Variants in ZNF569 observed in about 807,000 individuals in gnomAD.
ZNF569 encodes the protein DNA-binding protein.
A neutral mutation model predicts 56.3 loss-of-function variants in ZNF569; 38 were observed. The observed-to-expected ratio is 0.68, with a 90% CI of 0.52 to 0.88. ZNF569 has a LOEUF of 0.88. Among genes scored for constraint, ZNF569 ranks in the 40% least tolerant of loss-of-function variants. ZNF569 has a pLI of 0.00. For synonymous variants in ZNF569, 241 were observed against 262.9 expected, an observed-to-expected ratio of 0.92 and a Z score of 0.81; for missense variants, 666 against 809.2, an observed-to-expected ratio of 0.82 and a Z score of 2.15.
rs114338258 is a variant in ZNF569, at chr19:37,423,841, T to G, written c.238+2027A>C. ...TTCAAGCTATAATTAGCTACCATTT[T>G]TCACCTCAGTTTGGCAACGATTTTT... On this transcript the variant is annotated intron_variant, in intron 5 of 5. Transcript: ENST00000316950. 4.3e-3 allele frequency among the ~76,000 whole-genome samples: 656 copies of G among 152,340 alleles called. 6 individuals are homozygous for G. The highest frequency in any genetic ancestry group is 0.015 in the African/African-American group (630 of 41,580).
At chr19:37,460,954 A>G (rs2041748566) in intron 2 of ZNF569, among the ~76,000 whole-genome samples, 2 of 152,232 alleles carry the variant, frequency 1.3e-5, no homozygotes, top group Non-Finnish European at 1.5e-5. Context: ...GCAGTGATTT[A>G]AAACACATCA....
chr19:37,416,723 T>C (rs1425515913), intron 5 of ZNF569, among the ~76,000 whole-genome samples: 1 of 152,132 alleles, frequency 6.6e-6, no homozygotes, highest in African/African-American at 2.4e-5. Context: ...GCAGAAAGCA[T>C]GGATAGAAAG....
intron 5 of ZNF569, among the ~76,000 whole-genome samples, chr19:37,422,376 T>A (rs1041107002): frequency 1.3e-5 from 2 of 152,164 alleles, no homozygotes; most frequent in African/African-American, 4.8e-5. Context: ...AAGTCTGCCA[T>A]CTTACATGGA....
chr19:37,418,881 T>C (rs1407948168), intron 5 of ZNF569, among the ~76,000 whole-genome samples: 2 of 152,178 alleles, frequency 1.3e-5, no homozygotes, highest in Non-Finnish European at 2.9e-5. Flanking sequence ...TTTACGTACT[T>C]AATAAGGCTG....
intron 5 of ZNF569, among the ~76,000 whole-genome samples, chr19:37,415,683 A>G (rs2040917222): frequency 6.6e-6 from 1 of 150,782 alleles, no homozygotes. Flanking sequence ...ATCCTGGCTA[A>G]CACAGTGAAA....
intron 2 of ZNF569, among the ~76,000 whole-genome samples, chr19:37,456,990 A>C (rs948094311): frequency 6.7e-6 from 1 of 149,026 alleles, no homozygotes; most frequent in Non-Finnish European, 1.5e-5. Context: ...ACAAAAAACA[A>C]AAAACACAAA....
At chr19:37,418,876 G>A (rs1290290898) in intron 5 of ZNF569, among the ~76,000 whole-genome samples, 8 of 152,156 alleles carry the variant, frequency 5.3e-5, no homozygotes, top group East Asian at 3.9e-4. Context: ...AAAAGTTTAC[G>A]TACTTAATAA....
upstream of ZNF569, chr19:37,469,228 C>G: frequency 7.4e-7 from 1 of 1,353,378 alleles, no homozygotes; most frequent in Non-Finnish European, 9.5e-7. Flanking sequence ...CTGCGCGGAG[C>G]TGCACCGCTG....
rs2040848352 is a variant in ZNF569, at chr19:37,412,100, A to C, written c.*497T>G. On this transcript the variant is annotated 3_prime_UTR_variant, in exon 6 of 6. Coordinates refer to ENST00000316950, the MANE Select transcript of ZNF569 (RefSeq NM_152484.3). ...TTTGGGAGAGAAATTATATTTTTACAATGTCAAGTCTTTTCAGACAAAATA... is the reference window on the plus strand; with the variant it reads ...TTTGGGAGAGAAATTATATTTTTACCATGTCAAGTCTTTTCAGACAAAATA... The C allele has an allele frequency of 6.6e-6, 1 of 152,298 alleles. No homozygotes were observed. The allele number at this position is 152,298 out of a possible 1,614,324, so 9.4% of individuals were successfully genotyped here.
Position 37,413,653 on chromosome 19 carries a change from G to C in ZNF569, c.1005C>G (p.Phe335Leu). ...PYACNECGKA[F>L]PRIASLALHM... ...GAAGAGCAAGGGATGCAATTCGAGG[G>C]AAGGCTTTACCACATTCATTACATG... Residue 335 changes from phenylalanine to leucine, a missense_variant, in exon 6 of 6, where the codon TTC (phenylalanine) becomes TTG (leucine). By Grantham distance (22) the Phe-to-Leu change is conservative. Coordinates refer to ENST00000316950, the MANE Select transcript of ZNF569 (RefSeq NM_152484.3). The C allele has an allele frequency of 6.2e-7, 1 of 1,613,884 alleles. No homozygotes were observed. Among genetic ancestry groups the C allele is most frequent in the South Asian group, 1.1e-5 (1 of 91,052 alleles).
intron 5 of ZNF569, among the ~76,000 whole-genome samples, chr19:37,421,957 C>G (rs1326342480): frequency 2.0e-5 from 3 of 151,872 alleles, no homozygotes; most frequent in African/African-American, 2.4e-5. Flanking sequence ...ACCATGTTGC[C>G]CAGTCTGGTC....
intron 3 of ZNF569, among the ~76,000 whole-genome samples, chr19:37,439,870 T>C (rs763933603): frequency 6.6e-6 from 1 of 152,094 alleles, no homozygotes; most frequent in African/African-American, 2.4e-5. Context: ...ACGGAACTCA[T>C]GGAAATAGAG....
At chr19:37,427,670 C>G (rs2041156904) in intron 3 of ZNF569, 2 of 393,434 alleles carry the variant, frequency 5.1e-6, no homozygotes, top group Admixed American at 2.7e-5. Flanking sequence ...GATGGGAGAT[C>G]AGCTCCTGAA....
In ZNF569 at chr19:37,412,316, G is replaced by A. The variant is rs906060354; in HGVS notation, c.*281C>T. The A allele has an allele frequency of 6.0e-6, 2 of 335,432 alleles. No individual in the cohort carries two copies. Among genetic ancestry groups the A allele is most frequent in the Non-Finnish European group, 1.0e-5 (2 of 190,764 alleles). The allele number at this position is 335,432 out of a possible 1,614,324, so 20.8% of individuals were successfully genotyped here. A position where few individuals can be genotyped will look rare whatever the true frequency, so the allele number is the denominator to read the frequency against. ...TAATACATTGGCTAGGAGCTCAAGT[G>A]TTGTGTTGTTATGCTGATGGAAGAT... On this transcript the variant is annotated 3_prime_UTR_variant, in exon 6 of 6. Coordinates refer to ENST00000316950, the MANE Select transcript of ZNF569 (RefSeq NM_152484.3).
Position 37,448,674 on chromosome 19 carries a change from C to G in ZNF569, c.-43-3710G>C, listed in dbSNP as rs58889235. Among the ~76,000 whole-genome samples the G allele has an allele frequency of 8.8e-3, 1,323 of 150,438 alleles. 19 individuals are homozygous for G. The highest frequency in any genetic ancestry group is 0.031 in the African/African-American group (1,250 of 40,744). ...CGCCTCCCGGGTTCACGCCTTTCTCCTGCCTCAGCCTCGCGAGTAGCTGGG... is the reference window on the plus strand; with the variant it reads ...CGCCTCCCGGGTTCACGCCTTTCTCGTGCCTCAGCCTCGCGAGTAGCTGGG... On this transcript the variant is annotated intron_variant, in intron 2 of 5. Coordinates refer to ENST00000316950, the MANE Select transcript of ZNF569 (RefSeq NM_152484.3).
chr19:37,468,136 G>A, upstream of ZNF569: 1 of 592,060 alleles, frequency 1.7e-6, no homozygotes, highest in East Asian at 2.8e-5. Context: ...CCAGGCTGGA[G>A]AGTGCAGCGG....
At chr19:37,453,476 G>C (rs2041626542) in intron 2 of ZNF569, among the ~76,000 whole-genome samples, 1 of 152,062 alleles carries the variant, frequency 6.6e-6, no homozygotes, top group Admixed American at 6.6e-5. Flanking sequence ...TTTTTGCTTG[G>C]TGTGAAATCC....
At chr19:37,445,671 A>T (rs2041481638) in intron 2 of ZNF569, among the ~76,000 whole-genome samples, 1 of 152,186 alleles carries the variant, frequency 6.6e-6, no homozygotes, top group African/African-American at 2.4e-5. Context: ...CTGAGAATCA[A>T]ATCAAGAACT....
At chr19:37,460,620 T>C (rs1367495373) in intron 2 of ZNF569, among the ~76,000 whole-genome samples, 2 of 152,046 alleles carry the variant, frequency 1.3e-5, no homozygotes, top group African/African-American at 2.4e-5. Context: ...CTAGGCGTGG[T>C]AGCGTGCACC....
Sources: gnomAD v4.1 joint callset for allele counts (sites outside exome capture counted in the v4.1 genomes callset) on GRCh38, gnomAD v4.1.1 for gene constraint, MANE v1.5 for transcripts, NCBI Gene and HGNC (gene_info 2026-07-23, HGNC 2026-07-21) for gene names.